The following EFCAB5 variants were observed in gnomAD, a reference collection of about 807,000 sequenced individuals.
The protein encoded by EFCAB5 is EF-hand calcium-binding domain-containing protein 5.
A neutral mutation model predicts 167.9 loss-of-function variants in EFCAB5; 131 were observed. That is an observed-to-expected ratio of 0.78 (90% CI 0.68 to 0.90). The LOEUF (loss-of-function observed/expected upper bound fraction) is 0.90, where lower values mean the gene tolerates loss of function less well. EFCAB5 is among the 40% of genes least tolerant of loss of function. The probability of loss-of-function intolerance (pLI) is 0.00; values close to 1 mark genes in which losing one functional copy is unlikely to be tolerated. For synonymous variants in EFCAB5, 574 were observed against 602.8 expected (o/e 0.95, Z 0.70); for missense variants, 1,663 against 1,745.2 (o/e 0.95, Z 0.84).
intron 14 of EFCAB5, among the ~76,000 whole-genome samples, chr17:30,064,438 T>C (rs2070506888): frequency 6.6e-6 from 1 of 152,026 alleles, no homozygotes; most frequent in South Asian, 2.1e-4. Context: ...ATCTCTGAAC[T>C]TGAAGATAGG....
intron 7 of EFCAB5, among the ~76,000 whole-genome samples, chr17:30,028,819 C>T (rs1204319274): frequency 6.6e-6 from 1 of 152,148 alleles, no homozygotes; most frequent in African/African-American, 2.4e-5. Flanking sequence ...TGATTTTTGC[C>T]CTTGTCTTCA....
chr17:30,030,310 C>G (rs1294471922), intron 7 of EFCAB5, among the ~76,000 whole-genome samples: 2 of 152,054 alleles, frequency 1.3e-5, no homozygotes. Flanking sequence ...GATGAAAAAT[C>G]CAGAAGTGTC....
At chr17:29,996,417 CA>C in intron 6 of EFCAB5, 57 bp downstream of exon 6, 2 of 1,390,964 alleles carry the variant, frequency 1.4e-6, no homozygotes, top group Admixed American at 2.2e-5. Context: ...GGGTGGGGGA[CA>C]CTGAATTCAG....
intron 2 of EFCAB5, 31 bp from the exon 3 acceptor site, chr17:29,943,534 G>A: frequency 6.6e-7 from 1 of 1,523,584 alleles, no homozygotes; most frequent in Non-Finnish European, 8.9e-7. Flanking sequence ...AAGTCACATT[G>A]AAATTGGTGA....
chr17:29,996,156 A>G, intron 5 of EFCAB5, 156 bp from the exon 6 acceptor site: 1 of 579,834 alleles, frequency 1.7e-6, no homozygotes. Context: ...TGTAGAAAGT[A>G]TATGTGACTT....
At chr17:30,079,807 A>G (rs945032542) in intron 15 of EFCAB5, among the ~76,000 whole-genome samples, 10 of 152,204 alleles carry the variant, frequency 6.6e-5, no homozygotes, top group Non-Finnish European at 1.3e-4. Context: ...AGTAGACTTG[A>G]GAGTTTTTTG....
intron 7 of EFCAB5, among the ~76,000 whole-genome samples, chr17:30,029,162 AAG>A (rs2069410641): frequency 6.6e-6 from 1 of 152,170 alleles, no homozygotes; most frequent in Non-Finnish European, 1.5e-5. Context: ...GAAGAGTTAA[AAG>A]TATGTTACTA....
At chr17:30,060,528 G>T (rs2070397778) in intron 14 of EFCAB5, among the ~76,000 whole-genome samples, 1 of 151,944 alleles carries the variant, frequency 6.6e-6, no homozygotes, top group Non-Finnish European at 1.5e-5. Flanking sequence ...GTTAACTTTG[G>T]TGTACCAGAT....
chr17:29,987,358 A>C (rs992024834), intron 4 of EFCAB5, among the ~76,000 whole-genome samples: 1 of 152,160 alleles, frequency 6.6e-6, no homozygotes, highest in Non-Finnish European at 1.5e-5. Context: ...AAGGCTTTAG[A>C]TGTCTCGATC....
intron 7 of EFCAB5, among the ~76,000 whole-genome samples, chr17:30,006,609 A>G (rs2068778719): frequency 1.3e-5 from 2 of 152,234 alleles, no homozygotes. Context: ...TTTCCAATGG[A>G]AAATAAAAGT....
intron 3 of EFCAB5, among the ~76,000 whole-genome samples, chr17:29,962,471 CCT>C (rs760382988): frequency 4.9e-4 from 74 of 151,558 alleles, no homozygotes; most frequent in Admixed American, 9.9e-4. Context: ...CCTTTTTCCC[CCT>C]GTTTTTATTT....
chr17:30,007,233 A>T (rs2151670750), intron 7 of EFCAB5, among the ~76,000 whole-genome samples: 1 of 152,284 alleles, frequency 6.6e-6, no homozygotes, highest in South Asian at 2.1e-4. Flanking sequence ...GCAGTGGATA[A>T]ATTAGAAGTG....
intron 6 of EFCAB5, among the ~76,000 whole-genome samples, chr17:29,997,122 G>T (rs752670901): frequency 6.6e-6 from 1 of 151,834 alleles, no homozygotes; most frequent in South Asian, 2.1e-4. Flanking sequence ...GCGGGCGTCC[G>T]TAATCTCAGT....
Position 29,930,066 on chromosome 17 carries a change from C to T in EFCAB5, c.-127+737C>T, listed in dbSNP as rs1363587690. 6 of 235,514 alleles carry T rather than the reference C, an allele frequency of 2.5e-5. No homozygotes were observed. In the East Asian group the frequency reaches 9.4e-4, roughly 37 times the overall value. 14.6% of individuals were successfully genotyped at this position (235,514 alleles called of 1,614,324 possible). ...CTGAGTGTGGGGGACGGGAGGGTGACGGAGCCGGGATGGGGAAAGGGGTGC... is the reference window on the plus strand; with the variant it reads ...CTGAGTGTGGGGGACGGGAGGGTGATGGAGCCGGGATGGGGAAAGGGGTGC... On this transcript the variant is annotated intron_variant, in intron 1 of 3. Coordinates refer to the EFCAB5 transcript ENST00000448319.
intron 7 of EFCAB5, among the ~76,000 whole-genome samples, chr17:30,015,077 T>C (rs1289561532): frequency 6.6e-6 from 1 of 152,212 alleles, no homozygotes. Flanking sequence ...TGGCTGGATA[T>C]GAAATTCTGG....
intron 3 of EFCAB5, among the ~76,000 whole-genome samples, chr17:29,949,135 C>G (rs2067460080): frequency 6.6e-6 from 1 of 152,150 alleles, no homozygotes; most frequent in Admixed American, 6.5e-5. Flanking sequence ...CCTGCTAAGA[C>G]TTATTACAAT....
chr17:30,078,835 T>C (rs1452356519), intron 15 of EFCAB5, among the ~76,000 whole-genome samples: 4 of 152,218 alleles, frequency 2.6e-5, no homozygotes, highest in Admixed American at 2.6e-4. Context: ...AGTAAGGAGA[T>C]GTACAAGCAG....
chr17:30,080,669 T>C, intron 16 of EFCAB5, 84 bp from the exon 17 acceptor site: 2 of 1,021,588 alleles, frequency 2.0e-6, no homozygotes, highest in Non-Finnish European at 2.9e-6. Context: ...AGATTGTGAA[T>C]AGAGAATCGC....
intron 13 of EFCAB5, among the ~76,000 whole-genome samples, chr17:30,058,398 T>A (rs545880341): frequency 6.6e-5 from 10 of 152,316 alleles, no homozygotes; most frequent in African/African-American, 2.2e-4. Flanking sequence ...TAAATTACTT[T>A]CACTAAGCTT....
Sources: gnomAD v4.1 joint callset for allele counts (sites outside exome capture counted in the v4.1 genomes callset) on GRCh38, gnomAD v4.1.1 for gene constraint, MANE v1.5 for transcripts, NCBI Gene and HGNC (gene_info 2026-07-23, HGNC 2026-07-21) for gene names.